Variants in ARFGEF2 observed in about 807,000 individuals in gnomAD.
ARFGEF2 encodes brefeldin A-inhibited guanine nucleotide-exchange protein 2.
In ARFGEF2, 74 loss-of-function variants were observed where a neutral mutation model predicts 219.9. The observed-to-expected ratio is 0.34, with a 90% CI of 0.28 to 0.41. The LOEUF is 0.41. Among genes scored for constraint, ARFGEF2 ranks in the 10% least tolerant of loss-of-function variants. ARFGEF2 has a pLI of 1.00. For synonymous variants in ARFGEF2, 733 were observed against 799.2 expected (o/e 0.92, Z 1.40); for missense variants, 1,743 against 2,218.3 (o/e 0.79, Z 4.30).
intron 28 of ARFGEF2, 49 bp downstream of exon 28, chr20:49,012,133 A>G: frequency 6.2e-7 from 1 of 1,612,396 alleles, no homozygotes; most frequent in Non-Finnish European, 8.5e-7. Context: ...GGAAAAGGTC[A>G]TGGAGCAGAA....
intron 14 of ARFGEF2, among the ~76,000 whole-genome samples, chr20:48,976,615 T>C (rs1280731256): frequency 6.6e-6 from 1 of 152,162 alleles, no homozygotes; most frequent in Non-Finnish European, 1.5e-5. Context: ...AAGACCATCC[T>C]GGCTAACACG....
At chr20:48,940,465 T>C (rs891147181) in intron 1 of ARFGEF2, among the ~76,000 whole-genome samples, 1 of 152,250 alleles carries the variant, frequency 6.6e-6, no homozygotes, top group Admixed American at 6.5e-5. Context: ...GTTTCAATAC[T>C]TTGTTATATT....
At chr20:48,994,908 A>G (rs1030310641) in intron 22 of ARFGEF2, among the ~76,000 whole-genome samples, 1 of 152,062 alleles carries the variant, frequency 6.6e-6, no homozygotes. Context: ...AGGGGTGTGT[A>G]TTTGTGTCTC....
intron 20 of ARFGEF2, 30 bp from the exon 21 acceptor site, chr20:48,991,008 TCA>T: frequency 6.2e-7 from 1 of 1,606,676 alleles, no homozygotes; most frequent in Non-Finnish European, 8.5e-7. Context: ...AAGGTTGGAG[TCA>T]CAGTGTTCTC....
At chr20:49,031,900 A>G (rs1428250638) in intron 37 of ARFGEF2, 149 bp from the exon 38 acceptor site, 18 of 706,796 alleles carry the variant, frequency 2.5e-5, no homozygotes, top group South Asian at 1.8e-4. Context: ...CCTGGGCCGC[A>G]GAGCAAGACC....
At chr20:48,966,629 G>A (rs1392452175) in intron 8 of ARFGEF2, among the ~76,000 whole-genome samples, 1 of 152,052 alleles carries the variant, frequency 6.6e-6, no homozygotes, top group Non-Finnish European at 1.5e-5. Context: ...ATTCAAAATA[G>A]GAAGTAATAT....
chr20:48,968,838 T>C (rs2091207299), intron 8 of ARFGEF2, among the ~76,000 whole-genome samples: 1 of 152,166 alleles, frequency 6.6e-6, no homozygotes, highest in East Asian at 1.9e-4. Context: ...TCTCCATAGC[T>C]CCTATTTTGT....
intron 38 of ARFGEF2, 79 bp downstream of exon 38, chr20:49,032,245 A>G (rs2091640507): frequency 2.0e-6 from 2 of 1,000,664 alleles, no homozygotes; most frequent in Middle Eastern, 4.4e-4. Flanking sequence ...GTTTGCAGTA[A>G]CTATTTTCTC....
At chr20:48,937,596 AT>A (rs2090966895) in intron 1 of ARFGEF2, among the ~76,000 whole-genome samples, 1 of 152,166 alleles carries the variant, frequency 6.6e-6, no homozygotes, top group Non-Finnish European at 1.5e-5. Context: ...AAGTGCAGCA[AT>A]TCCTAATTCT....
intron 31 of ARFGEF2, among the ~76,000 whole-genome samples, chr20:49,016,785 AC>A (rs1271244751): frequency 6.6e-6 from 1 of 152,208 alleles, no homozygotes; most frequent in Non-Finnish European, 1.5e-5. Flanking sequence ...CAGGAAAAAT[AC>A]CCAGCTAGCA....
intron 35 of ARFGEF2, among the ~76,000 whole-genome samples, chr20:49,023,827 C>T (rs1049189843): frequency 2.0e-5 from 3 of 152,050 alleles, no homozygotes; most frequent in African/African-American, 7.2e-5. Flanking sequence ...CGTGAGCCAC[C>T]GCGCCCGGCC....
At position 48,976,213 on chromosome 20, in the gene ARFGEF2, C is replaced by A; in HGVS notation, c.1958+14C>A. 1 of 1,613,574 alleles carries A rather than the reference C, an allele frequency of 6.2e-7. No homozygotes were observed. The highest frequency in any genetic ancestry group is 8.5e-7 in the Non-Finnish European group (1 of 1,179,870). On this transcript the variant is annotated intron_variant, in intron 14 of 38. Transcript: ENST00000371917. ...CGGCATCGAGCTGTGAGTGGGGCTGCCGTTAACTAGCAGGGATTCTAGCAA... is the reference window on the plus strand; with the variant it reads ...CGGCATCGAGCTGTGAGTGGGGCTGACGTTAACTAGCAGGGATTCTAGCAA...
At chr20:48,946,019 C>A (rs2091024203) in intron 3 of ARFGEF2, among the ~76,000 whole-genome samples, 1 of 152,106 alleles carries the variant, frequency 6.6e-6, no homozygotes, top group Non-Finnish European at 1.5e-5. Context: ...GCTCCCTGGG[C>A]TACTGAATGG....
chr20:48,953,836 A>T, intron 6 of ARFGEF2, 46 bp downstream of exon 6: 1 of 1,568,030 alleles, frequency 6.4e-7, no homozygotes, highest in Non-Finnish European at 8.7e-7. Context: ...GTGAGAGGGA[A>T]TCAGCCTGTG....
chr20:49,033,609 G>T lies in ARFGEF2; in HGVS notation c.*410G>T, dbSNP rs2091649758. On this transcript the variant is annotated 3_prime_UTR_variant, in exon 39 of 39. Coordinates refer to ENST00000371917, the MANE Select transcript of ARFGEF2 (RefSeq NM_006420.3). ...AGAGAATATGTTAATAAAACTTCTTGTAACGGCTAACTGCCACCTAAAATA... is the reference window on the plus strand; with the variant it reads ...AGAGAATATGTTAATAAAACTTCTTTTAACGGCTAACTGCCACCTAAAATA... 1 of 175,694 alleles carries T rather than the reference G, an allele frequency of 5.7e-6. No homozygotes were observed. The highest frequency in any genetic ancestry group is 5.5e-5 in the Admixed American group (1 of 18,166). The allele number at this position is 175,694 out of a possible 1,614,324, so 10.9% of individuals were successfully genotyped here.
chr20:48,957,710 G>C (rs747544433), intron 6 of ARFGEF2, among the ~76,000 whole-genome samples: 30 of 152,180 alleles, frequency 2.0e-4, no homozygotes, highest in Non-Finnish European at 3.7e-4. Context: ...TGTCAGCAGG[G>C]GAAGCAGTCC....
chr20:48,934,515 C>G (rs936835457), intron 1 of ARFGEF2, among the ~76,000 whole-genome samples: 1 of 152,124 alleles, frequency 6.6e-6, no homozygotes, highest in South Asian at 2.1e-4. Context: ...GCCTCCCACC[C>G]CTCAACAGGC....
chr20:48,973,652 A>G (rs1446862908), intron 12 of ARFGEF2, among the ~76,000 whole-genome samples: 2 of 152,328 alleles, frequency 1.3e-5, no homozygotes, highest in Middle Eastern at 3.4e-3. Context: ...CCCAGTCTGC[A>G]ATAGGGGCAA....
intron 34 of ARFGEF2, among the ~76,000 whole-genome samples, chr20:49,021,502 A>G (rs1206013209): frequency 1.3e-5 from 2 of 152,120 alleles, no homozygotes; most frequent in Admixed American, 1.3e-4. Flanking sequence ...TAGTTAGTCT[A>G]CTCAGTAAGC....
Sources: gnomAD v4.1 joint callset for allele counts (sites outside exome capture counted in the v4.1 genomes callset) on GRCh38, gnomAD v4.1.1 for gene constraint, MANE v1.5 for transcripts, NCBI Gene and HGNC (gene_info 2026-07-23, HGNC 2026-07-21) for gene names.